Variants in DPP10 observed in about 807,000 individuals in gnomAD.
DPP10 encodes inactive dipeptidyl peptidase 10.
DPP10 carries 33 observed loss-of-function variants against 120.9 expected under a neutral mutation model. The observed-to-expected ratio is 0.27, with a 90% CI of 0.21 to 0.37. The LOEUF is 0.37. DPP10 is among the 10% of genes least tolerant of loss of function. DPP10 has a pLI of 1.00. For synonymous variants in DPP10, 337 were observed against 326.1 expected (o/e 1.03, Z -0.36); for missense variants, 816 against 942.8 (o/e 0.87, Z 1.76).
chr2:115,592,541 T>C (rs2082725453), intron 5 of DPP10, among the ~76,000 whole-genome samples: 1 of 150,512 alleles, frequency 6.6e-6, no homozygotes, highest in Non-Finnish European at 1.5e-5. Context: ...AAGACCATCC[T>C]GGCCAACATG....
intron 1 of DPP10, among the ~76,000 whole-genome samples, chr2:114,884,833 G>GTTACTTCACTTCAAATAACGGT (rs1691922756): frequency 6.6e-6 from 1 of 152,068 alleles, no homozygotes; most frequent in Admixed American, 6.5e-5. Context: ...CCATTCCTGA[G>GTTACTTCACTTCAAATAACGGT]TTACTTCACT....
intron 1 of DPP10, among the ~76,000 whole-genome samples, chr2:114,740,195 A>G (rs1010351942): frequency 9.9e-5 from 15 of 151,730 alleles, no homozygotes; most frequent in African/African-American, 3.6e-4. Context: ...TGATGAGTTC[A>G]TGTCCTTTGT....
In DPP10 at chr2:114,768,806, G is replaced by A. The variant is rs183536088; in HGVS notation, c.60+325968G>A. 1.1e-3 allele frequency among the ~76,000 whole-genome samples: 171 copies of A among 152,162 alleles called. 1 individual carries two copies. Among genetic ancestry groups the A allele is most frequent in the African/African-American group, 4.0e-3 (165 of 41,516 alleles). ...AAAGGACTCCAAAATGGGCAAGGTC[G>A]TTGTACATTCAATATTTGATAAAAT... On this transcript the variant is annotated intron_variant, in intron 1 of 25. Transcript: ENST00000410059.
intron 3 of DPP10, among the ~76,000 whole-genome samples, chr2:115,397,208 A>G (rs1222483388): frequency 6.6e-6 from 1 of 152,210 alleles, no homozygotes; most frequent in Non-Finnish European, 1.5e-5. Flanking sequence ...AAAGAAAAAT[A>G]TAAGTTAGTC....
intron 1 of DPP10, among the ~76,000 whole-genome samples, chr2:114,454,215 T>TG (rs1678439848): frequency 6.6e-6 from 1 of 152,092 alleles, no homozygotes; most frequent in Non-Finnish European, 1.5e-5. Flanking sequence ...TATGTGAAAG[T>TG]ACTCAGATAA....
At chr2:114,889,952 C>A (rs905478739) in intron 1 of DPP10, among the ~76,000 whole-genome samples, 1 of 152,206 alleles carries the variant, frequency 6.6e-6, no homozygotes, top group Non-Finnish European at 1.5e-5. Flanking sequence ...TGCCCCACAG[C>A]CCACTGGAGA....
At chr2:115,459,132 G>A (rs777548267) in intron 3 of DPP10, among the ~76,000 whole-genome samples, 5 of 151,950 alleles carry the variant, frequency 3.3e-5, no homozygotes, top group Non-Finnish European at 7.4e-5. Flanking sequence ...AAAATTTGGG[G>A]TAAGTCAGTT....
chr2:114,775,549 T>G (rs1681650436), intron 1 of DPP10, among the ~76,000 whole-genome samples: 1 of 152,178 alleles, frequency 6.6e-6, no homozygotes, highest in Non-Finnish European at 1.5e-5. Flanking sequence ...AAATCTTGTA[T>G]AAACTGGGCT....
chr2:115,258,307 G>A (rs1279548615), intron 1 of DPP10, among the ~76,000 whole-genome samples: 2 of 152,064 alleles, frequency 1.3e-5, no homozygotes, highest in Non-Finnish European at 2.9e-5. Flanking sequence ...TCAGCTATAT[G>A]AATTTTTCTC....
rs188091500 is a variant in DPP10, at chr2:114,876,778, A to T, written c.61-432461A>T. ...TTCCCTGATACCTTCTACACCAGGA[A>T]TTCTTAATCTTGGAACTATTGACAT... On this transcript the variant is annotated intron_variant, in intron 1 of 25. Coordinates refer to ENST00000410059, the MANE Select transcript of DPP10 (RefSeq NM_020868.6). Among the ~76,000 whole-genome samples the T allele has an allele frequency of 2.3e-3, 355 of 152,188 alleles. 2 individuals are homozygous for T. Among genetic ancestry groups the T allele is most frequent in the African/African-American group, 8.1e-3 (337 of 41,556 alleles).
chr2:114,537,443 G>A (rs988432677), intron 1 of DPP10, among the ~76,000 whole-genome samples: 6 of 152,066 alleles, frequency 3.9e-5, no homozygotes, highest in South Asian at 2.1e-4. Flanking sequence ...GGTTGTTTAC[G>A]TTTTCAAGTC....
intron 1 of DPP10, among the ~76,000 whole-genome samples, chr2:115,301,004 A>C (rs1170931916): frequency 6.6e-6 from 1 of 152,002 alleles, no homozygotes; most frequent in African/African-American, 2.4e-5. Flanking sequence ...GCCCGGTATG[A>C]AAGTTTAAGA....
chr2:115,182,728 G>A (rs2105156015), intron 1 of DPP10, among the ~76,000 whole-genome samples: 1 of 152,260 alleles, frequency 6.6e-6, no homozygotes, highest in Non-Finnish European at 1.5e-5. Flanking sequence ...TTAACTCAGA[G>A]AGGAAGGTAG....
At position 115,389,547 on chromosome 2, in the gene DPP10, A is replaced by G. The variant is rs374848758; in HGVS notation, c.271+45635A>G. ...TTTTAATGAATAAGTAACCGATGTA[A>G]TGAACTAAATAATAACCTTGTTGAA... On this transcript the variant is annotated intron_variant, in intron 3 of 25. Coordinates refer to ENST00000410059, the MANE Select transcript of DPP10 (RefSeq NM_020868.6). Among the ~76,000 whole-genome samples the G allele has an allele frequency of 4.6e-5, 7 of 152,170 alleles. No homozygotes were observed. The East Asian group carries it at 7.7e-4, about 17-fold the overall frequency.
chr2:115,278,736 G>A (rs1396688297), intron 1 of DPP10, among the ~76,000 whole-genome samples: 1 of 151,964 alleles, frequency 6.6e-6, no homozygotes, highest in Non-Finnish European at 1.5e-5. Flanking sequence ...CCCCAAGGGA[G>A]GACATTAAGC....
At chr2:114,528,514 A>C (rs1010087060) in intron 1 of DPP10, among the ~76,000 whole-genome samples, 1 of 151,854 alleles carries the variant, frequency 6.6e-6, no homozygotes, top group African/African-American at 2.4e-5. Context: ...TGCACTATTC[A>C]TTCATGTTTG....
chr2:115,648,051 A>G (rs1213158692), intron 5 of DPP10, among the ~76,000 whole-genome samples: 1 of 152,136 alleles, frequency 6.6e-6, no homozygotes, highest in Admixed American at 6.6e-5. Context: ...TTTAGTTTGC[A>G]TGTCTGAGAG....
chr2:115,435,126 T>C (rs1290605386), intron 3 of DPP10, among the ~76,000 whole-genome samples: 1 of 151,760 alleles, frequency 6.6e-6, no homozygotes, highest in Non-Finnish European at 1.5e-5. Flanking sequence ...GGCTATTGTG[T>C]ATAGTGCTGT....
chr2:114,744,488 T>C (rs1678372712), intron 1 of DPP10, among the ~76,000 whole-genome samples: 1 of 152,140 alleles, frequency 6.6e-6, no homozygotes, highest in African/African-American at 2.4e-5. Context: ...TGTGCTAACA[T>C]TAGAACATGA....
Sources: gnomAD v4.1 joint callset for allele counts (sites outside exome capture counted in the v4.1 genomes callset) on GRCh38, gnomAD v4.1.1 for gene constraint, MANE v1.5 for transcripts, NCBI Gene and HGNC (gene_info 2026-07-23, HGNC 2026-07-21) for gene names.